Variants in LINGO2 observed in about 807,000 individuals in gnomAD.
LINGO2 encodes leucine-rich repeat and immunoglobulin-like domain-containing nogo receptor-interacting protein 2.
Under a neutral mutation model 30.6 loss-of-function variants are expected in LINGO2, and 14 were observed. The observed-to-expected ratio is 0.46, with a 90% CI of 0.30 to 0.72. The LOEUF is 0.72. LINGO2 is among the 30% of genes least tolerant of loss of function. LINGO2 has a pLI of 0.07. For missense variants in LINGO2, 729 were observed against 751.7 expected, an observed-to-expected ratio of 0.97 and a Z score of 0.35; for synonymous variants, 317 against 288.5, an observed-to-expected ratio of 1.10 and a Z score of -1.00.
At chr9:28,591,638 G>T (rs1047148389) in intron 1 of LINGO2, among the ~76,000 whole-genome samples, 2 of 152,058 alleles carry the variant, frequency 1.3e-5, no homozygotes, top group African/African-American at 2.4e-5. Flanking sequence ...GGAGAAGGAA[G>T]ATGTGAAGGT....
chr9:28,423,100 C>T (rs906756031), intron 2 of LINGO2, among the ~76,000 whole-genome samples: 3 of 152,056 alleles, frequency 2.0e-5, no homozygotes, highest in Non-Finnish European at 2.9e-5. Flanking sequence ...AAAGGTTGAT[C>T]GTGGTAATGG....
At chr9:29,100,537 T>C in the LINGO2 span, among the ~76,000 whole-genome samples, 2 of 150,924 alleles carry the variant, frequency 1.3e-5, no homozygotes, top group African/African-American at 4.9e-5. Context: ...GAAGTTACAA[T>C]GAACCAAGAT....
the LINGO2 span, among the ~76,000 whole-genome samples, chr9:28,689,757 G>A: frequency 6.6e-6 from 1 of 152,150 alleles, no homozygotes; most frequent in East Asian, 1.9e-4. Flanking sequence ...ACATGCATGT[G>A]TATGTTCACT....
At chr9:28,716,018 C>A in the LINGO2 span, among the ~76,000 whole-genome samples, 2 of 151,860 alleles carry the variant, frequency 1.3e-5, no homozygotes, top group African/African-American at 4.8e-5. Flanking sequence ...TACCTTTATA[C>A]AGGCATCGTA....
chr9:27,947,212 T>A (rs150857878), downstream of LINGO2, among the ~76,000 whole-genome samples: 8 of 152,310 alleles, frequency 5.3e-5, no homozygotes, highest in Admixed American at 1.3e-4. Context: ...CACATAACCA[T>A]ATGCTTTGAA....
the LINGO2 span, among the ~76,000 whole-genome samples, chr9:28,897,702 G>A: frequency 6.6e-6 from 1 of 151,928 alleles, no homozygotes; most frequent in East Asian, 1.9e-4. Context: ...TATATCACAG[G>A]GGTTATGAGG....
At chr9:28,786,979 T>G in the LINGO2 span, among the ~76,000 whole-genome samples, 1 of 152,182 alleles carries the variant, frequency 6.6e-6, no homozygotes, top group Non-Finnish European at 1.5e-5. Flanking sequence ...AATGTGTGCA[T>G]GACTCTCATC....
intron 1 of LINGO2, among the ~76,000 whole-genome samples, chr9:28,559,462 C>G (rs1390888530): frequency 1.3e-5 from 2 of 152,084 alleles, no homozygotes; most frequent in African/African-American, 4.8e-5. Flanking sequence ...ATTGCACATG[C>G]ATTTTATTGC....
At chr9:29,098,035 G>C in the LINGO2 span, among the ~76,000 whole-genome samples, 1 of 152,074 alleles carries the variant, frequency 6.6e-6, no homozygotes, top group Non-Finnish European at 1.5e-5. Context: ...TTGACTTCTA[G>C]ACTTAATGCA....
At chr9:28,274,061 T>C (rs922152322) in intron 4 of LINGO2, among the ~76,000 whole-genome samples, 3 of 152,186 alleles carry the variant, frequency 2.0e-5, no homozygotes, top group Admixed American at 2.0e-4. Flanking sequence ...ATTGGATATA[T>C]TTGAGAGCTA....
At chr9:28,076,317 A>G (rs1216151475) in intron 4 of LINGO2, among the ~76,000 whole-genome samples, 1 of 152,030 alleles carries the variant, frequency 6.6e-6, no homozygotes. Context: ...CCATTCTGTT[A>G]ATTGATACCA....
chr9:29,175,258 C>A, the LINGO2 span, among the ~76,000 whole-genome samples: 1 of 152,046 alleles, frequency 6.6e-6, no homozygotes, highest in African/African-American at 2.4e-5. Context: ...GACTCCATCT[C>A]TAAATAAATA....
chr9:28,059,322 G>C (rs531528489), intron 4 of LINGO2, among the ~76,000 whole-genome samples: 2 of 151,988 alleles, frequency 1.3e-5, no homozygotes, highest in Admixed American at 6.6e-5. Context: ...CCCAGAGCTC[G>C]GGGCCTTCAC....
intron 4 of LINGO2, among the ~76,000 whole-genome samples, chr9:28,090,196 C>T (rs1209083839): frequency 6.6e-6 from 1 of 152,104 alleles, no homozygotes; most frequent in Non-Finnish European, 1.5e-5. Context: ...AGAGGGAGTC[C>T]TCCCTAACTC....
At chr9:28,517,996 C>T (rs1189622407) in intron 1 of LINGO2, among the ~76,000 whole-genome samples, 1 of 152,078 alleles carries the variant, frequency 6.6e-6, no homozygotes, top group Admixed American at 6.6e-5. Flanking sequence ...AATTGGATTC[C>T]AAGATCTTAT....
At chr9:28,957,791 A>C in the LINGO2 span, among the ~76,000 whole-genome samples, 1 of 152,338 alleles carries the variant, frequency 6.6e-6, no homozygotes, top group South Asian at 2.1e-4. Context: ...TTAGTGGGAA[A>C]ACGCATTCAT....
chr9:28,110,845 A>C (rs1826759783), intron 4 of LINGO2, among the ~76,000 whole-genome samples: 1 of 152,186 alleles, frequency 6.6e-6, no homozygotes. Flanking sequence ...TCAAGGATCT[A>C]GAAGCAGAAA....
intron 1 of LINGO2, among the ~76,000 whole-genome samples, chr9:28,486,856 C>A (rs1347897026): frequency 6.6e-6 from 1 of 151,990 alleles, no homozygotes; most frequent in African/African-American, 2.4e-5. Context: ...GTTTATAGGA[C>A]ATACAGCCAG....
the LINGO2 span, among the ~76,000 whole-genome samples, chr9:29,108,193 T>C: frequency 6.6e-6 from 1 of 152,116 alleles, no homozygotes; most frequent in Non-Finnish European, 1.5e-5. Flanking sequence ...CATTGCTTAA[T>C]TGGGAGAAAA....
Sources: allele counts gnomAD v4.1 joint callset (sites outside exome capture counted in the v4.1 genomes callset), GRCh38; gene constraint gnomAD v4.1.1; transcripts MANE v1.5; gene names NCBI Gene and HGNC (gene_info 2026-07-23, HGNC 2026-07-21).